The following MPZL2 variants were observed in gnomAD, a reference collection of about 807,000 sequenced individuals.
The protein encoded by MPZL2 is myelin protein zero like 2, also known as myelin protein zero-like protein 2.
MPZL2 carries 32 observed loss-of-function variants against 24.5 expected under a neutral mutation model. The ratio of observed to expected loss-of-function variants is 1.31; its 90% confidence interval spans 0.99 to 1.76. MPZL2 has a LOEUF of 1.76. Among genes scored for constraint, MPZL2 ranks in the 40% most tolerant of loss-of-function variants. MPZL2 has a pLI of 0.00. For synonymous variants in MPZL2, 92 were observed against 97.9 expected (o/e 0.94, Z 0.36); for missense variants, 304 against 274.9 (o/e 1.11, Z -0.75).
intron 1 of MPZL2, 67 bp downstream of exon 1, chr11:118,264,029 C>T: frequency 6.7e-7 from 1 of 1,502,008 alleles, no homozygotes; most frequent in Non-Finnish European, 9.3e-7. Flanking sequence ...ACTTCTAAGA[C>T]AATTAGCTAA....
At chr11:118,262,800 T>A (rs1257124643) in intron 2 of MPZL2, 131 bp downstream of exon 2, 2 of 1,378,184 alleles carry the variant, frequency 1.5e-6, no homozygotes, top group East Asian at 4.6e-5. Flanking sequence ...TCAGTCTCTG[T>A]CCCAAGAATT....
At chr11:118,259,904 A>T in intron 4 of MPZL2, 150 bp downstream of exon 4, 1 of 857,978 alleles carries the variant, frequency 1.2e-6, no homozygotes, top group East Asian at 2.6e-5. Flanking sequence ...ACTAGTTCAT[A>T]CCTGATTTAT....
chr11:118,262,313 G>A (rs771505732), intron 3 of MPZL2, 125 bp downstream of exon 3: 4 of 1,000,128 alleles, frequency 4.0e-6, no homozygotes, highest in South Asian at 3.0e-5. Flanking sequence ...CAGTTCTGAA[G>A]GGCTAGTCCC....
At chr11:118,259,100 C>T (rs1345721788) in intron 4 of MPZL2, 2 of 151,610 alleles carry the variant, frequency 1.3e-5, no homozygotes, top group African/African-American at 4.8e-5. Context: ...AATAGTCCAG[C>T]TGTTTAAAGA....
Position 118,260,182 on chromosome 11 carries a change from G to A in MPZL2, c.456C>T (p.His152=). ...CAGAGCCAATGGCCAGAGCCAGGAA[G>A]TGGATCTCAGAGAAGCGTACTGTAA... ...VVHTVRFSEI[H]FLALAIGSAC... Residue 152 remains histidine, a synonymous_variant, in exon 4 of 6, where the codon CAC becomes CAT. Transcript: ENST00000278937. The A allele has an allele frequency of 6.2e-7, 1 of 1,614,074 alleles. No homozygotes were observed. The highest frequency in any genetic ancestry group is 8.5e-7 in the Non-Finnish European group (1 of 1,179,942).
chr11:118,255,712 C>A (rs1949655747), intron 5 of MPZL2, among the ~76,000 whole-genome samples: 1 of 100,394 alleles, frequency 1.0e-5, no homozygotes, highest in South Asian at 4.8e-4. Context: ...GACATTTACC[C>A]CAATACTCCA....
chr11:118,263,189 G>T lies in MPZL2; in HGVS notation c.59-92C>A. The T allele has an allele frequency of 2.3e-6, 3 of 1,328,840 alleles. 1 individual carries two copies. The highest frequency in any genetic ancestry group is 4.4e-5 in the Admixed American group (2 of 45,472). 82.3% of individuals were successfully genotyped at this position (1,328,840 alleles called of 1,614,324 possible). On this transcript the variant is annotated intron_variant, in intron 1 of 5. Transcript: ENST00000278937. ...ACTTCCAAAATAAATATCTGAGTAG[G>T]ACTTAAAGTAAAGTGAAACTGAGAT...
Position 118,255,208 on chromosome 11 carries a change from T to C in MPZL2, c.*38A>G, listed in dbSNP as rs926954008. 1 of 152,220 alleles carries C rather than the reference T, an allele frequency of 6.6e-6. No homozygotes were observed. The highest frequency in any genetic ancestry group is 6.5e-5 in the Admixed American group (1 of 15,280). The allele number at this position is 152,220 out of a possible 1,614,324, so 9.4% of individuals were successfully genotyped here. A position where few individuals can be genotyped will look rare whatever the true frequency, so the allele number is the denominator to read the frequency against. ...TTAACTTCAAGAAATACTAGGGTTC[T>C]TGTTCTTGGAAATCATCTCAGCTTC... On this transcript the variant is annotated 3_prime_UTR_variant, in exon 6 of 6. Coordinates refer to ENST00000278937, the MANE Select transcript of MPZL2 (RefSeq NM_005797.4).
chr11:118,263,172 A>G, intron 1 of MPZL2, 75 bp from the exon 2 acceptor site: 1 of 1,433,120 alleles, frequency 7.0e-7, no homozygotes, highest in Non-Finnish European at 9.5e-7. Context: ...ACACTTCCAA[A>G]ATAAATATCT....
intron 4 of MPZL2, among the ~76,000 whole-genome samples, chr11:118,258,724 G>A (rs1949678311): frequency 6.6e-6 from 1 of 152,112 alleles, no homozygotes; most frequent in African/African-American, 2.4e-5. Flanking sequence ...GCTTGGTGCT[G>A]TCTTCAATAG....
chr11:118,262,594 G>T lies in MPZL2; in HGVS notation c.280C>A (p.Arg94=). ...FQPMSGRFKD[R]VSWDGNPERY... is the part of the protein sequence containing the mutation. ...TCAGGATTCCCATCCCAAGACACCC[G>T]GTCCTTAAACCGCCCACTCATGGGT... Residue 94 remains arginine, a synonymous_variant, in exon 3 of 6, where the codon CGG becomes AGG. Coordinates refer to ENST00000278937, the MANE Select transcript of MPZL2 (RefSeq NM_005797.4). 1 of 1,614,056 alleles carries T rather than the reference G, an allele frequency of 6.2e-7. No homozygotes were observed. Among genetic ancestry groups the T allele is most frequent in the Non-Finnish European group, 8.5e-7 (1 of 1,180,012 alleles).
Position 118,262,445 on chromosome 11 carries a change from C to T in MPZL2, c.429G>A (p.Val143=). ...GVIGEIRLSV[V]HTVRFSEIHF... is the part of the protein sequence containing the mutation. ...GTTCCCTGCATAACCTACCAGTGTG[C>T]ACGACGCTGAGCCGGATCTCCCCTA... Residue 143 remains valine (V), a synonymous_variant, in exon 3 of 6, where the codon GTG becomes GTA. Transcript: ENST00000278937. 6.2e-7 allele frequency: 1 copy of T among 1,613,778 alleles called. No homozygotes were observed. The highest frequency in any genetic ancestry group is 8.5e-7 in the Non-Finnish European group (1 of 1,180,008).
Position 118,260,100 on chromosome 11 carries a change from T to TC in MPZL2, c.537dup (p.Lys180GlufsTer10), listed in dbSNP as rs1413038945. On this transcript the variant is annotated frameshift_variant, in exon 4 of 6. Transcript: ENST00000278937. LOFTEE classifies it high-confidence loss of function. ...TGAGCTCTTTCGGCCCATCGCTTTT[T>TC]CCGGTAATGCTGGAAGAGGACCACT... The TC allele has an allele frequency of 6.2e-7, 1 of 1,613,988 alleles. No individual in the cohort carries two copies. The highest frequency in any genetic ancestry group is 2.2e-5 in the East Asian group (1 of 44,888).
rs896365343 is a variant in MPZL2, at chr11:118,256,291, C to T, written c.*12+947G>A. Among the ~76,000 whole-genome samples the T allele has an allele frequency of 4.6e-5, 7 of 152,032 alleles. 1 individual carries two copies. Among genetic ancestry groups the T allele is most frequent in the Admixed American group, 3.3e-4 (5 of 15,270 alleles). ...AGCGTAAAATTTAAGTTTGCATGTCCGGATTTATAACATCTAGAAATTAAA... is the reference window on the plus strand; with the variant it reads ...AGCGTAAAATTTAAGTTTGCATGTCTGGATTTATAACATCTAGAAATTAAA... On this transcript the variant is annotated intron_variant, in intron 5 of 5. Transcript: ENST00000278937.
At position 118,262,442 on chromosome 11, in the gene MPZL2, G is replaced by A. The variant is rs766414982; in HGVS notation, c.432C>T (p.His144=). 6 of 1,613,460 alleles carry A rather than the reference G, an allele frequency of 3.7e-6. No homozygotes were observed. The African/African-American group carries it at 8.0e-5, about 22-fold the overall frequency. ...VIGEIRLSVV[H]TVRFSEIHFL... Reference sequence around the variant, plus strand: ...ACTGTTCCCTGCATAACCTACCAGTGTGCACGACGCTGAGCCGGATCTCCC... The same window carrying A: ...ACTGTTCCCTGCATAACCTACCAGTATGCACGACGCTGAGCCGGATCTCCC... The change falls in exon 3 of 6, where the codon CAC becomes CAT. Residue 144 remains histidine (H), a synonymous_variant. Coordinates refer to ENST00000278937, the MANE Select transcript of MPZL2 (RefSeq NM_005797.4).
At chr11:118,255,337 T>C (rs1949653979) in intron 5 of MPZL2, 104 bp from the exon 6 acceptor site, 1 of 152,198 alleles carries the variant, frequency 6.6e-6, no homozygotes, top group Admixed American at 6.5e-5. Context: ...AGGAAAATAT[T>C]CTGAGGGAAA....
At chr11:118,262,334 C>T (rs890474063) in intron 3 of MPZL2, 104 bp downstream of exon 3, 27 of 1,196,442 alleles carry the variant, frequency 2.3e-5, no homozygotes, top group African/African-American at 3.0e-5. Flanking sequence ...TCTCTCTATC[C>T]ATCACAAAAG....
rs117124043 is a variant in MPZL2 at position 118,256,377 on chromosome 11, G to A, written c.*12+861C>T. ...GAGCATATGAAAAATAAATTGGCCCGGCGCAGTGGCTTATGCCTGTAATCC... is the reference window on the plus strand; with the variant it reads ...GAGCATATGAAAAATAAATTGGCCCAGCGCAGTGGCTTATGCCTGTAATCC... On this transcript the variant is annotated intron_variant, in intron 5 of 5. Coordinates refer to ENST00000278937, the MANE Select transcript of MPZL2 (RefSeq NM_005797.4). Among the ~76,000 whole-genome samples the A allele has an allele frequency of 8.9e-3, 1,354 of 152,278 alleles. 7 individuals are homozygous for A. Among genetic ancestry groups the A allele is most frequent in the South Asian group, 0.016 (77 of 4,822 alleles).
In MPZL2 at chr11:118,262,964, A is replaced by G; in HGVS notation, c.192T>C (p.Asn64=). The change falls in exon 2 of 6, where the codon AAT becomes AAC. Residue 64 remains asparagine (N), a synonymous_variant. Transcript: ENST00000278937. The part of the protein sequence containing the change: ...PVGDALTVTW[N]FRPLDGGPEQ... ...CAGGTCCCCCGTCTAGAGGACGAAA[A>G]TTCCAGGTCACTGTTAGAGCATCAC... 1 of 1,614,162 alleles carries G rather than the reference A, an allele frequency of 6.2e-7. No individual in the cohort carries two copies. Among genetic ancestry groups the G allele is most frequent in the Non-Finnish European group, 8.5e-7 (1 of 1,180,010 alleles).
Sources: allele counts gnomAD v4.1 joint callset (sites outside exome capture counted in the v4.1 genomes callset), GRCh38; gene constraint gnomAD v4.1.1; transcripts MANE v1.5; gene names NCBI Gene and HGNC (gene_info 2026-07-23, HGNC 2026-07-21).